PIAS1: variants seen among roughly 807,000 people sequenced by gnomAD.
PIAS1 encodes E3 SUMO-protein ligase PIAS1.
PIAS1 carries 6 observed loss-of-function variants against 71.3 expected under a neutral mutation model. The ratio of observed to expected loss-of-function variants is 0.08; its 90% CI spans 0.05 to 0.17. The LOEUF (loss-of-function observed/expected upper bound fraction) is 0.17, where lower values mean the gene tolerates loss of function less well. PIAS1 is among the 10% of genes least tolerant of loss of function. PIAS1 has a pLI of 1.00. For synonymous variants in PIAS1, 303 were observed against 292.9 expected, an observed-to-expected ratio of 1.03 and a Z score of -0.35; for missense variants, 555 against 793.6, an observed-to-expected ratio of 0.70 and a Z score of 3.61.
intron 2 of PIAS1, among the ~76,000 whole-genome samples, chr15:68,135,971 G>A (rs1295909665): frequency 4.7e-5 from 2 of 42,404 alleles, no homozygotes; most frequent in African/African-American, 1.0e-4. Flanking sequence ...ATGGGCGGCC[G>A]GGCAGAGACG....
chr15:68,155,886 C>G (rs2092885404), intron 7 of PIAS1, among the ~76,000 whole-genome samples: 2 of 152,336 alleles, frequency 1.3e-5, no homozygotes, highest in South Asian at 4.1e-4. Context: ...CTATCCCCCT[C>G]TCTCAGCACT....
At chr15:68,110,089 T>G (rs1595732255) in intron 2 of PIAS1, among the ~76,000 whole-genome samples, 1 of 152,150 alleles carries the variant, frequency 6.6e-6, no homozygotes, top group East Asian at 1.9e-4. Flanking sequence ...CATGAAACCG[T>G]TTTTCCTCCA....
intron 1 of PIAS1, among the ~76,000 whole-genome samples, chr15:68,076,947 G>A (rs568381021): frequency 2.0e-4 from 30 of 152,202 alleles, no homozygotes; most frequent in South Asian, 4.1e-4. Flanking sequence ...AGGGGTGTAG[G>A]ATACAATTTT....
chr15:68,139,095 T>A (rs2092753115), intron 2 of PIAS1, among the ~76,000 whole-genome samples: 1 of 152,196 alleles, frequency 6.6e-6, no homozygotes, highest in Non-Finnish European at 1.5e-5. Flanking sequence ...TTCAAAATAA[T>A]CCTAACAGAG....
chr15:68,075,074 CTTTCTTTTTT>C lies in PIAS1; in HGVS notation c.25-11228_25-11219del, dbSNP rs1169078293. On this transcript the variant is annotated intron_variant, in intron 1 of 13. Transcript: ENST00000249636. ...GAAAATAAAAACATTTTCTTTCTTTCTTTCTTTTTTTTTTTTTTTTTTTTTTTTTTGAGGC... is the reference window on the plus strand; with the variant it reads ...GAAAATAAAAACATTTTCTTTCTTTCTTTTTTTTTTTTTTTTTTTTGAGGC... 3.6e-4 allele frequency among the ~76,000 whole-genome samples: 30 copies of C among 84,192 alleles called. No individual in the cohort carries two copies. The East Asian group carries it at 5.0e-3, about 14-fold the overall frequency. 55.2% of individuals were successfully genotyped at this position (84,192 alleles called of 152,430 possible).
At chr15:68,136,793 C>G (rs1016398636) in intron 2 of PIAS1, among the ~76,000 whole-genome samples, 26 of 151,912 alleles carry the variant, frequency 1.7e-4, no homozygotes, top group Non-Finnish European at 3.5e-4. Context: ...AAAAATATAG[C>G]CCAAATGAAA....
chr15:68,070,225 G>T (rs1357773615), intron 1 of PIAS1, among the ~76,000 whole-genome samples: 2 of 152,184 alleles, frequency 1.3e-5, no homozygotes, highest in African/African-American at 4.8e-5. Context: ...GGAACTAGTT[G>T]AATGTGCCAG....
At chr15:68,103,131 T>G (rs1157483493) in intron 2 of PIAS1, among the ~76,000 whole-genome samples, 2 of 152,044 alleles carry the variant, frequency 1.3e-5, no homozygotes, top group African/African-American at 4.8e-5. Context: ...TTCACTATGT[T>G]GGCTAGGCTG....
At chr15:68,108,569 C>T (rs1222101439) in intron 2 of PIAS1, among the ~76,000 whole-genome samples, 1 of 152,140 alleles carries the variant, frequency 6.6e-6, no homozygotes, top group African/African-American at 2.4e-5. Flanking sequence ...TATCTCAAGA[C>T]CTCTCTCATG....
chr15:68,066,224 A>G (rs910496598), intron 1 of PIAS1, among the ~76,000 whole-genome samples: 3 of 151,950 alleles, frequency 2.0e-5, no homozygotes, highest in Admixed American at 6.6e-5. Flanking sequence ...GATTCAAGCA[A>G]TTCTTCTGCT....
At chr15:68,112,816 C>T (rs1402964485) in intron 2 of PIAS1, among the ~76,000 whole-genome samples, 3 of 149,832 alleles carry the variant, frequency 2.0e-5, no homozygotes, top group Middle Eastern at 3.4e-3. Flanking sequence ...AAATTGTGTT[C>T]GTCTTTTGAC....
chr15:68,185,672 C>T lies in PIAS1; in HGVS notation c.1663-1870C>T, dbSNP rs888461005. On this transcript the variant is annotated intron_variant, in intron 13 of 13. Coordinates refer to ENST00000249636, the MANE Select transcript of PIAS1 (RefSeq NM_016166.3). The surrounding 1 kb of genome is among the most constrained non-coding windows in gnomAD (Gnocchi z 4.4). ...ACAAGCTCCTTAAAAAATTTAAAAA[C>T]ATGGGCCCTGGCTGGGCGCTGTGGC... Among the ~76,000 whole-genome samples, 1 of 152,178 alleles carries T rather than the reference C, an allele frequency of 6.6e-6. No homozygotes were observed. Among genetic ancestry groups the T allele is most frequent in the African/African-American group, 2.4e-5 (1 of 41,460 alleles).
intron 8 of PIAS1, among the ~76,000 whole-genome samples, chr15:68,172,690 C>G (rs1266251544): frequency 6.6e-6 from 1 of 152,186 alleles, no homozygotes; most frequent in East Asian, 1.9e-4. Flanking sequence ...GATCTGGGGA[C>G]TCTACAGTGG....
Position 68,173,722 on chromosome 15 carries a change from CT to C in PIAS1, c.1009-5del. 2.0e-6 allele frequency: 3 copies of C among 1,501,918 alleles called. No individual in the cohort carries two copies. The highest frequency in any genetic ancestry group is 2.1e-5 in the Admixed American group (1 of 47,738). The allele number at this position is 1,501,918 out of a possible 1,614,324, so 93.0% of individuals were successfully genotyped here. On this transcript the variant is annotated splice_polypyrimidine_tract_variant and intron_variant, in intron 8 of 13. Coordinates refer to ENST00000249636, the MANE Select transcript of PIAS1 (RefSeq NM_016166.3). The surrounding 1 kb of genome is among the most constrained non-coding windows in gnomAD (Gnocchi z 4.3). ...ATTATCTAATATTTACTTTTTCTCC[CT>C]TTTTAAAGCTTGGTAAAATGCGGCT...
At position 68,192,424 on chromosome 15, in the gene PIAS1, A is replaced by G. The variant is rs2093124575; in HGVS notation, c.*4589A>G. 6.6e-6 allele frequency: 1 copy of G among 152,152 alleles called. No individual in the cohort carries two copies. 9.4% of individuals were successfully genotyped at this position (152,152 alleles called of 1,614,324 possible). A position where few individuals can be genotyped will look rare whatever the true frequency, so the allele number is the denominator to read the frequency against. On this transcript the variant is annotated 3_prime_UTR_variant, in exon 14 of 14. Coordinates refer to ENST00000249636, the MANE Select transcript of PIAS1 (RefSeq NM_016166.3). ...AAATCTCGTAAACCTCAGACCCCAC[A>G]AAACATCTGCTCCTACACTGTGTGG... is the stretch of plus-strand genomic sequence containing the variant.
chr15:68,115,421 A>T (rs1286124737), intron 2 of PIAS1, among the ~76,000 whole-genome samples: 1 of 152,044 alleles, frequency 6.6e-6, no homozygotes. Context: ...TAGCATCTTC[A>T]CCTTGCTAAA....
intron 1 of PIAS1, among the ~76,000 whole-genome samples, chr15:68,056,483 C>A (rs758296734): frequency 6.6e-6 from 1 of 152,072 alleles, no homozygotes; most frequent in Non-Finnish European, 1.5e-5. Context: ...GTTTTTTGTG[C>A]TCTCCCAAAT....
chr15:68,054,484 G>A lies in PIAS1; in HGVS notation c.24+134G>A, dbSNP rs2091872395. 5 of 942,752 alleles carry A rather than the reference G, an allele frequency of 5.3e-6. No homozygotes were observed. Among genetic ancestry groups the A allele is most frequent in the East Asian group, 3.0e-5 (1 of 33,410 alleles). The allele number at this position is 942,752 out of a possible 1,614,324, so 58.4% of individuals were successfully genotyped here. ...CGGGCCTGGAGTTGTAGGGAGAGAG[G>A]CGCGCCCGGTCTCAGCAGAGGGGGC... On this transcript the variant is annotated intron_variant, in intron 1 of 13. Coordinates refer to ENST00000249636, the MANE Select transcript of PIAS1 (RefSeq NM_016166.3). The surrounding 1 kb of genome is among the most constrained non-coding windows in gnomAD (Gnocchi z 4.6).
Position 68,062,754 on chromosome 15 carries a change from TAGA to T in PIAS1, c.24+8407_24+8409del, listed in dbSNP as rs540429565. ...CTAGATGAGAACAAAACTAGGCACA[TAGA>T]AGGAACTTAAGTGAATGTACATGTA... On this transcript the variant is annotated intron_variant, in intron 1 of 13. Coordinates refer to ENST00000249636, the MANE Select transcript of PIAS1 (RefSeq NM_016166.3). Among the ~76,000 whole-genome samples the T allele has an allele frequency of 1.4e-4, 21 of 152,340 alleles. No individual in the cohort carries two copies. The South Asian group carries it at 3.9e-3, about 29-fold the overall frequency.
Sources: gnomAD v4.1 joint callset for allele counts (sites outside exome capture counted in the v4.1 genomes callset) on GRCh38, gnomAD v4.1.1 for gene constraint, Gnocchi (gnomAD v3.1) non-coding constraint, MANE v1.5 for transcripts, NCBI Gene and HGNC (gene_info 2026-07-23, HGNC 2026-07-21) for gene names.